The following PTPRG variants were observed in gnomAD, a reference collection of about 807,000 sequenced individuals.
The protein encoded by PTPRG is protein tyrosine phosphatase receptor type G.
PTPRG carries 102 observed loss-of-function variants against 165.3 expected under a neutral mutation model. The observed-to-expected ratio is 0.62, with a 90% confidence interval of 0.53 to 0.73. The LOEUF (loss-of-function observed/expected upper bound fraction) is 0.73. Ranked by LOEUF, PTPRG falls within the 30% of genes least tolerant of loss-of-function variation. The pLI is 0.00. For missense variants in PTPRG, 1,866 were observed against 1,861.4 expected (o/e 1.00, Z -0.05); for synonymous variants, 675 against 669.5 (o/e 1.01, Z -0.13).
chr3:62,109,520 T>G (rs1702592326), intron 5 of PTPRG, among the ~76,000 whole-genome samples: 1 of 152,178 alleles, frequency 6.6e-6, no homozygotes, highest in African/African-American at 2.4e-5. Context: ...ATTGTCTTGG[T>G]TATGCAGGCT....
intron 2 of PTPRG, among the ~76,000 whole-genome samples, chr3:61,757,485 A>T (rs1433225102): frequency 6.6e-6 from 1 of 152,176 alleles, no homozygotes; most frequent in Non-Finnish European, 1.5e-5. Flanking sequence ...TGTCTCTTTA[A>T]TTGGCTGTAT....
intron 11 of PTPRG, among the ~76,000 whole-genome samples, chr3:62,202,924 G>A (rs930687230): frequency 1.3e-5 from 2 of 152,148 alleles, no homozygotes; most frequent in Non-Finnish European, 2.9e-5. Flanking sequence ...TCAGTGAAAA[G>A]CTGAGTTTGA....
intron 1 of PTPRG, among the ~76,000 whole-genome samples, chr3:61,638,503 A>G (rs752669876): frequency 1.4e-5 from 2 of 142,554 alleles, no homozygotes; most frequent in Non-Finnish European, 3.0e-5. Flanking sequence ...ATAAATGGGA[A>G]TATTTTATTT....
intron 5 of PTPRG, among the ~76,000 whole-genome samples, chr3:62,081,205 C>T (rs997516357): frequency 8.6e-5 from 13 of 150,434 alleles, no homozygotes; most frequent in African/African-American, 3.0e-4. Flanking sequence ...TGCAGTGAGC[C>T]GAGATCGCGC....
chr3:62,145,290 C>T (rs1166684040), intron 6 of PTPRG, among the ~76,000 whole-genome samples: 1 of 152,106 alleles, frequency 6.6e-6, no homozygotes, highest in Non-Finnish European at 1.5e-5. Context: ...CCTGAGGATT[C>T]AGTGACTTAC....
intron 2 of PTPRG, among the ~76,000 whole-genome samples, chr3:61,969,234 G>A (rs1227490636): frequency 2.0e-5 from 3 of 152,076 alleles, no homozygotes; most frequent in African/African-American, 7.2e-5. Context: ...ATGACAATGT[G>A]GTCTCCAGTG....
intron 3 of PTPRG, among the ~76,000 whole-genome samples, chr3:61,997,154 T>C (rs77343095): frequency 0.028 from 4,335 of 152,322 alleles, 65 homozygotes; most frequent in South Asian, 0.05. Context: ...ATCTCTTGGA[T>C]ATCTGAGGTT....
At chr3:61,964,262 T>G (rs982325134) in intron 2 of PTPRG, among the ~76,000 whole-genome samples, 1 of 152,238 alleles carries the variant, frequency 6.6e-6, no homozygotes, top group African/African-American at 2.4e-5. Context: ...ATTGGCAGGA[T>G]GGCTTTATAA....
At chr3:61,850,977 T>A (rs2036947188) in intron 2 of PTPRG, among the ~76,000 whole-genome samples, 1 of 152,242 alleles carries the variant, frequency 6.6e-6, no homozygotes, top group African/African-American at 2.4e-5. Context: ...GCTCCAGCAC[T>A]GTCCATAGGT....
At chr3:62,090,247 G>T (rs1701883284) in intron 5 of PTPRG, among the ~76,000 whole-genome samples, 1 of 152,088 alleles carries the variant, frequency 6.6e-6, no homozygotes, top group Non-Finnish European at 1.5e-5. Context: ...CTGGTAGCTT[G>T]GCATCCCTGA....
intron 2 of PTPRG, among the ~76,000 whole-genome samples, chr3:61,956,479 G>T (rs2040033247): frequency 6.6e-6 from 1 of 152,052 alleles, no homozygotes; most frequent in South Asian, 2.1e-4. Context: ...ATTTAATGTG[G>T]ATCTAGTCAG....
intron 2 of PTPRG, among the ~76,000 whole-genome samples, chr3:61,776,229 G>A (rs557171083): frequency 2.0e-5 from 3 of 152,154 alleles, no homozygotes; most frequent in Middle Eastern, 3.4e-3. Context: ...GTTTGCTAAG[G>A]GAATGGAACT....
chr3:61,798,559 T>C (rs1348227881), intron 2 of PTPRG, among the ~76,000 whole-genome samples: 3 of 151,678 alleles, frequency 2.0e-5, no homozygotes, highest in African/African-American at 7.3e-5. Context: ...CTTTGCATTT[T>C]AAAGAGTCTG....
chr3:61,743,659 C>T (rs973033585), intron 1 of PTPRG, among the ~76,000 whole-genome samples: 1 of 152,132 alleles, frequency 6.6e-6, no homozygotes, highest in African/African-American at 2.4e-5. Context: ...GACTAAAAGT[C>T]CTCCTAAGCT....
chr3:61,711,372 A>C (rs566471490), intron 1 of PTPRG, among the ~76,000 whole-genome samples: 23 of 152,318 alleles, frequency 1.5e-4, no homozygotes, highest in African/African-American at 4.8e-4. Flanking sequence ...GGTTGAACTA[A>C]TTCACACTCC....
chr3:62,114,020 C>T (rs968136556), intron 5 of PTPRG, among the ~76,000 whole-genome samples: 8 of 152,162 alleles, frequency 5.3e-5, no homozygotes, highest in South Asian at 2.1e-4. Context: ...GCTTTCCGAC[C>T]GGGTGTGGTG....
intron 17 of PTPRG, among the ~76,000 whole-genome samples, chr3:62,266,136 A>G (rs1358243968): frequency 3.9e-5 from 6 of 152,180 alleles, no homozygotes; most frequent in African/African-American, 1.4e-4. Context: ...TACTTTCACA[A>G]TTTCAAATTA....
At chr3:62,104,367 G>A (rs1356549701) in intron 5 of PTPRG, among the ~76,000 whole-genome samples, 2 of 152,154 alleles carry the variant, frequency 1.3e-5, no homozygotes, top group Non-Finnish European at 2.9e-5. Context: ...TGAGATTTGA[G>A]CATGAAATCG....
intron 2 of PTPRG, among the ~76,000 whole-genome samples, chr3:61,875,672 A>G (rs139687336): frequency 8.4e-4 from 128 of 152,152 alleles, no homozygotes; most frequent in Non-Finnish European, 1.6e-3. Flanking sequence ...ACACACACAC[A>G]GCACACACTT....
Sources: gnomAD v4.1 joint callset for allele counts (sites outside exome capture counted in the v4.1 genomes callset) on GRCh38, gnomAD v4.1.1 for gene constraint, MANE v1.5 for transcripts, NCBI Gene and HGNC (gene_info 2026-07-23, HGNC 2026-07-21) for gene names.